Variants in KRT12 observed in about 807,000 individuals in gnomAD.
KRT12 encodes the protein keratin 12, also known as keratin, type I cytoskeletal 12.
Under a neutral mutation model 50.2 loss-of-function variants are expected in KRT12, and 43 were observed. The observed-to-expected ratio is 0.86, with a 90% CI of 0.67 to 1.11. KRT12 has a LOEUF of 1.11. Among genes scored for constraint, KRT12 ranks in the 50% least tolerant of loss-of-function variants. The pLI is 0.00. For synonymous variants in KRT12, 257 were observed against 253.6 expected (o/e 1.01, Z -0.13); for missense variants, 588 against 625.6 (o/e 0.94, Z 0.64).
intron 7 of KRT12, 53 bp from the exon 8 acceptor site, chr17:40,861,811 C>A: frequency 8.8e-7 from 1 of 1,130,328 alleles, no homozygotes; most frequent in Admixed American, 1.7e-5. Context: ...AAATATTAAT[C>A]CAACACTGGT....
chr17:40,865,080 T>C, intron 2 of KRT12, 118 bp from the exon 3 acceptor site: 4 of 1,072,086 alleles, frequency 3.7e-6, no homozygotes, highest in South Asian at 1.3e-5. Flanking sequence ...GGCAGCATTG[T>C]AGTGTATGAT....
chr17:40,863,784 C>G lies in KRT12; in HGVS notation c.888G>C (p.Arg296Ser). The G allele has an allele frequency of 1.2e-6, 2 of 1,612,820 alleles. No individual in the cohort carries two copies. Among genetic ancestry groups the G allele is most frequent in the Non-Finnish European group, 1.7e-6 (2 of 1,180,004 alleles). Residue 296 changes from arginine (R) to serine (S), a missense_variant, in exon 4 of 8, where the codon AGG becomes AGC. Coordinates refer to ENST00000251643, the MANE Select transcript of KRT12 (RefSeq NM_000223.4). The surrounding 1 kb of genome is among the most constrained non-coding windows in gnomAD (Gnocchi z 4.2). ...ACTGCGCCCGCATATCATTGAGGAGCCTGGTGAGGTCCACTCCGGGGGCAG... is the reference window on the plus strand; with the variant it reads ...ACTGCGCCCGCATATCATTGAGGAGGCTGGTGAGGTCCACTCCGGGGGCAG... ...MDAAPGVDLT[R>S]LLNDMRAQYE...
Position 40,863,322 on chromosome 17 carries a change from A to G in KRT12, c.1117T>C (p.Leu373=). The G allele has an allele frequency of 1.9e-6, 3 of 1,613,962 alleles. No homozygotes were observed. Among genetic ancestry groups the G allele is most frequent in the Non-Finnish European group, 2.5e-6 (3 of 1,179,980 alleles). ...LAMKKSLEDS[L]AEAEGDYCAQ... ...CAGTAATCGCCCTCGGCTTCGGCCA[A>G]GGAGTCCTCCAGGGATTTCTTCTGC... Residue 373 remains leucine, a synonymous_variant, in exon 6 of 8, where the codon TTG becomes CTG. Transcript: ENST00000251643. This position sits in a 1 kb window ranked among gnomAD's most constrained non-coding sequence, Gnocchi z 4.2.
intron 6 of KRT12, 64 bp from the exon 7 acceptor site, chr17:40,862,699 G>T: frequency 8.6e-7 from 1 of 1,164,462 alleles, no homozygotes; most frequent in South Asian, 1.2e-5. Context: ...TGGAAGATCT[G>T]GTCTGAGAAA....
At position 40,861,618 on chromosome 17, in the gene KRT12, C is replaced by A; in HGVS notation, c.*43G>T. Reference sequence around the variant, plus strand: ...AGGAATAATTTCTACTTGTAAATTTCTTGTTCCTAAGGAACCAATCATGGG... The same window carrying A: ...AGGAATAATTTCTACTTGTAAATTTATTGTTCCTAAGGAACCAATCATGGG... On this transcript the variant is annotated 3_prime_UTR_variant, in exon 8 of 8. Transcript: ENST00000251643. The A allele has an allele frequency of 8.4e-7, 1 of 1,195,504 alleles. No individual in the cohort carries two copies. Among genetic ancestry groups the A allele is most frequent in the South Asian group, 1.2e-5 (1 of 82,662 alleles). The allele number at this position is 1,195,504 out of a possible 1,614,324, so 74.1% of individuals were successfully genotyped here.
chr17:40,866,066 C>T (rs1004672070), intron 2 of KRT12, 89 bp downstream of exon 2: 1 of 1,004,904 alleles, frequency 1.0e-6, no homozygotes, highest in Non-Finnish European at 1.6e-6. Context: ...AGTATGTGAA[C>T]TTCAGAAGAT....
Position 40,864,847 on chromosome 17 carries a change from G to T in KRT12, c.766C>A (p.Leu256Met), listed in dbSNP as rs777275797. 27 of 1,614,198 alleles carry T rather than the reference G, an allele frequency of 1.7e-5. No individual in the cohort carries two copies. Among genetic ancestry groups the T allele is most frequent in the Non-Finnish European group, 2.2e-5 (26 of 1,180,032 alleles). Residue 256 changes from leucine (L) to methionine (M), a missense_variant, in exon 3 of 8, where the codon CTG (leucine) becomes ATG (methionine). Leu to Met is a conservative substitution (Grantham distance 15). Transcript: ENST00000251643. ...RTDLEMQIES[L>M]NEELAYMKKN... ...TTCATGTAGGCCAGCTCCTCGTTCA[G>T]GCTCTCGATCTGCATCTCCAGGTCG... is the stretch of plus-strand genomic sequence containing the variant.
chr17:40,867,079 G>A lies in KRT12; in HGVS notation c.108C>T (p.Ser36=). The A allele has an allele frequency of 6.2e-7, 1 of 1,613,572 alleles. No homozygotes were observed. The highest frequency in any genetic ancestry group is 8.5e-7 in the Non-Finnish European group (1 of 1,179,668). The change falls in exon 1 of 8, where the codon TCC becomes TCT. Residue 36 remains serine, a synonymous_variant. Coordinates refer to ENST00000251643, the MANE Select transcript of KRT12 (RefSeq NM_000223.4). ...TTCCCCCATAACCACTTCCAACACT[G>A]GAAGCAGACATGCCCCTGGGTCTGC... ...VIGRPRGMSA[S]SVGSGYGGSA...
rs370862018 is a variant in KRT12 at position 40,862,503 on chromosome 17, A to G, written c.1387+62T>C. On this transcript the variant is annotated intron_variant, in intron 7 of 7. Coordinates refer to ENST00000251643, the MANE Select transcript of KRT12 (RefSeq NM_000223.4). ...AATGCAGTAGTCAATGAGGTCTTAC[A>G]GGTTTTGCATTAATAAATGTGATTC... 2.2e-3 allele frequency: 2,371 copies of G among 1,067,854 alleles called. 4 individuals carry two copies. Among genetic ancestry groups the G allele is most frequent in the Non-Finnish European group, 3.2e-3 (2,183 of 682,806 alleles). 66.1% of individuals were successfully genotyped at this position (1,067,854 alleles called of 1,614,324 possible). A position where few individuals can be genotyped will look rare whatever the true frequency, so the allele number is the denominator to read the frequency against.
In KRT12 at chr17:40,863,420, A is replaced by G; in HGVS notation, c.1095+65T>C. 6.2e-7 allele frequency: 1 copy of G among 1,614,052 alleles called. No individual in the cohort carries two copies. The highest frequency in any genetic ancestry group is 8.5e-7 in the Non-Finnish European group (1 of 1,179,880). On this transcript the variant is annotated intron_variant, in intron 5 of 7. Transcript: ENST00000251643. This position sits in a 1 kb window ranked among gnomAD's most constrained non-coding sequence, Gnocchi z 4.2. The stretch of plus-strand genomic sequence containing the variant: ...GAGGAGGGTAGCCAACGGCTAATGT[A>G]ATTTGGATGCAGCATTTTCTTTGGA...
At position 40,863,233 on chromosome 17, in the gene KRT12, G is replaced by A. The variant is rs752423777; in HGVS notation, c.1206C>T (p.Arg402=). 2 of 1,613,964 alleles carry A rather than the reference G, an allele frequency of 1.2e-6. No individual in the cohort carries two copies. The highest frequency in any genetic ancestry group is 1.7e-6 in the Non-Finnish European group (2 of 1,180,014). Residue 402 remains arginine (R), a synonymous_variant, in exon 6 of 8, where the codon CGC becomes CGT. Transcript: ENST00000251643. This position sits in a 1 kb window ranked among gnomAD's most constrained non-coding sequence, Gnocchi z 4.2. ...CCACGTTCTGGCGCTCTGCGTCCGCGCGCACCTGGAGCAGCTGTGCCTCCA... is the reference window on the plus strand; with the variant it reads ...CCACGTTCTGGCGCTCTGCGTCCGCACGCACCTGGAGCAGCTGTGCCTCCA... The part of the protein sequence containing the change: ...SNLEAQLLQV[R]ADAERQNVDH...
chr17:40,861,823 G>A, intron 7 of KRT12, 65 bp from the exon 8 acceptor site: 1 of 1,019,186 alleles, frequency 9.8e-7, no homozygotes, highest in Admixed American at 1.7e-5. Context: ...AACACTGGTT[G>A]TTTAATGTAG....
Position 40,863,456 on chromosome 17 carries a change from A to G in KRT12, c.1095+29T>C. ...AGCATTTTCTTTGGAAGTCCAAAGG[A>G]TGCTACGTCTGTTTGCGCACGAGCC... On this transcript the variant is annotated intron_variant, in intron 5 of 7. Coordinates refer to ENST00000251643, the MANE Select transcript of KRT12 (RefSeq NM_000223.4). The surrounding 1 kb of genome is among the most constrained non-coding windows in gnomAD (Gnocchi z 4.2). 1 of 1,614,262 alleles carries G rather than the reference A, an allele frequency of 6.2e-7. No individual in the cohort carries two copies. Among genetic ancestry groups the G allele is most frequent in the Non-Finnish European group, 8.5e-7 (1 of 1,180,050 alleles).
rs1906807456 is a variant in KRT12 at position 40,861,671 on chromosome 17, T to A, written c.1475A>T (p.Glu492Val). The A allele has an allele frequency of 6.2e-7, 1 of 1,602,976 alleles. No individual in the cohort carries two copies. The highest frequency in any genetic ancestry group is 2.2e-5 in the East Asian group (1 of 44,816). ...VVSSQVQEIEELM is the reference protein window; with the variant it reads ...VVSSQVQEIEVLM ...AGATCTTGTGAAATTTTACATTAGT[T>A]CTTCAATTTCCTGAACTTGAGATGA... The change falls in exon 8 of 8, where the codon GAA becomes GTA. Residue 492 changes from glutamate to valine, a missense_variant. Physicochemically the swap from Glu to Val is moderately radical, Grantham distance 121. Transcript: ENST00000251643.
intron 3 of KRT12, 113 bp downstream of exon 3, chr17:40,864,693 A>G (rs1567740419): frequency 1.9e-6 from 2 of 1,080,584 alleles, no homozygotes; most frequent in East Asian, 2.4e-5. Context: ...TAACAGGGAG[A>G]CAATGTATTC....
chr17:40,867,161 G>A lies in KRT12; in HGVS notation c.26C>T (p.Ser9Leu). Residue 9 changes from serine (S) to leucine (L), a missense_variant, in exon 1 of 8, where the codon TCA (serine) becomes TTA (leucine). By Grantham distance (145) the Ser-to-Leu change is moderately radical. Coordinates refer to ENST00000251643, the MANE Select transcript of KRT12 (RefSeq NM_000223.4). MDLSNNTM[S>L]LSVRTPGLSR... ...CAGTCCGGGGGTGCGCACTGAGAGTGACATGGTGTTGTTGGAGAGATCCAT... is the reference window on the plus strand; with the variant it reads ...CAGTCCGGGGGTGCGCACTGAGAGTAACATGGTGTTGTTGGAGAGATCCAT... 1 of 1,608,576 alleles carries A rather than the reference G, an allele frequency of 6.2e-7. No individual in the cohort carries two copies. Among genetic ancestry groups the A allele is most frequent in the Non-Finnish European group, 8.5e-7 (1 of 1,180,004 alleles).
Position 40,866,226 on chromosome 17 carries a change from G to A in KRT12, c.579C>T (p.Ala193=), listed in dbSNP as rs1907011270. The A allele has an allele frequency of 1.9e-6, 3 of 1,613,970 alleles. No individual in the cohort carries two copies. In the Admixed American group the frequency reaches 5.0e-5, roughly 27 times the overall value. The part of the protein sequence containing the change: ...IEDLRNKIIS[A]SIGNAQLLLQ... Reference sequence around the variant, plus strand: ...AGAGGAGCTGGGCATTTCCAATGCTGGCTGAAATGATCTGGCAAAAGAGAG... The same window carrying A: ...AGAGGAGCTGGGCATTTCCAATGCTAGCTGAAATGATCTGGCAAAAGAGAG... The change falls in exon 2 of 8, where the codon GCC becomes GCT. Residue 193 remains alanine, a synonymous_variant. Transcript: ENST00000251643.
At position 40,866,839 on chromosome 17, in the gene KRT12, A is replaced by G. The variant is rs199968040; in HGVS notation, c.348T>C (p.Asn116=). The G allele has an allele frequency of 2.6e-5, 42 of 1,613,964 alleles. No individual in the cohort carries two copies. The highest frequency in any genetic ancestry group is 1.0e-4 in the Admixed American group (6 of 59,998). ...GGGSLGILSG[N]DGGLLSGSEK... ...CTGATCCAGAAAGAAGGCCTCCATC[A>G]TTGCCCGAGAGAATACCTAGAGAGC... The change falls in exon 1 of 8, where the codon AAT becomes AAC. Residue 116 remains asparagine, a synonymous_variant. Transcript: ENST00000251643.
intron 3 of KRT12, 68 bp downstream of exon 3, chr17:40,864,738 G>T: frequency 6.6e-7 from 1 of 1,519,990 alleles, no homozygotes; most frequent in Non-Finnish European, 9.1e-7. Context: ...TTCTAAATTT[G>T]AAATTGTAAT....
Sources: allele counts gnomAD v4.1 joint callset, GRCh38; gene constraint gnomAD v4.1.1; non-coding constraint Gnocchi (gnomAD v3.1); transcripts MANE v1.5; gene names NCBI Gene and HGNC (gene_info 2026-07-23, HGNC 2026-07-21).